The following VWA3B variants were observed in gnomAD, a reference collection of about 807,000 sequenced individuals.
VWA3B encodes von Willebrand factor A domain containing 3B, also known as von Willebrand factor A domain-containing protein 3B.
In VWA3B, 138 loss-of-function variants were observed where a neutral mutation model predicts 158.3. That is an observed-to-expected ratio of 0.87 (90% CI 0.76 to 1.00). The LOEUF is 1.00. Among genes scored for constraint, VWA3B ranks in the 50% least tolerant of loss-of-function variants. The pLI is 0.00. For missense variants in VWA3B, 1,555 were observed against 1,565.1 expected (o/e 0.99, Z 0.11); for synonymous variants, 596 against 587.3 (o/e 1.01, Z -0.21).
the VWA3B span, among the ~76,000 whole-genome samples, chr2:98,322,268 AGAAG>A: frequency 6.6e-6 from 1 of 152,240 alleles, no homozygotes; most frequent in East Asian, 1.9e-4. Context: ...CTGCAAATGG[AGAAG>A]GAAAGAATTG....
intron 7 of VWA3B, among the ~76,000 whole-genome samples, chr2:98,160,020 A>AAAAGATACAT (rs1196943823): frequency 6.6e-6 from 1 of 151,492 alleles, no homozygotes; most frequent in African/African-American, 2.4e-5. Flanking sequence ...AAAAAAAAAA[A>AAAAGATACAT]AAAGATACAT....
At chr2:98,194,574 TGA>T in intron 12 of VWA3B, 82 bp downstream of exon 12, 1 of 1,530,536 alleles carries the variant, frequency 6.5e-7, no homozygotes, top group Admixed American at 1.9e-5. Flanking sequence ...CAGACATTCC[TGA>T]GAGGTGTTTT....
chr2:98,281,489 G>A (rs151064552), intron 22 of VWA3B, among the ~76,000 whole-genome samples: 5 of 152,230 alleles, frequency 3.3e-5, no homozygotes, highest in Admixed American at 2.6e-4. Flanking sequence ...AATGATTTAG[G>A]GCAGGAAAAG....
At chr2:98,151,715 G>A (rs1573917489) in intron 7 of VWA3B, among the ~76,000 whole-genome samples, 1 of 152,354 alleles carries the variant, frequency 6.6e-6, no homozygotes, top group Non-Finnish European at 1.5e-5. Flanking sequence ...CCTTGGGCAA[G>A]TTACCTAATC....
chr2:98,307,294 G>A (rs62155313), intron 26 of VWA3B, among the ~76,000 whole-genome samples: 6,125 of 152,330 alleles, frequency 0.04, 170 homozygotes, highest in Middle Eastern at 0.075. Context: ...ATAACCTGAC[G>A]TGTCCACCCT....
At chr2:98,186,455 T>C (rs1238028416) in intron 9 of VWA3B, among the ~76,000 whole-genome samples, 1 of 152,118 alleles carries the variant, frequency 6.6e-6, no homozygotes. Flanking sequence ...GGATGTCTAA[T>C]AGGCACCTTG....
At chr2:98,105,664 G>A (rs1162842086) in intron 2 of VWA3B, among the ~76,000 whole-genome samples, 1 of 151,960 alleles carries the variant, frequency 6.6e-6, no homozygotes, top group Non-Finnish European at 1.5e-5. Flanking sequence ...GGGTATCAAG[G>A]TTGCAGTGAG....
chr2:98,119,807 T>C (rs368200944), intron 4 of VWA3B, 44 bp downstream of exon 4: 2 of 1,603,574 alleles, frequency 1.2e-6, no homozygotes, highest in African/African-American at 2.7e-5. Flanking sequence ...AAGTTCATAG[T>C]AATTTGTACA....
chr2:98,150,138 A>G (rs1677506764), intron 7 of VWA3B, among the ~76,000 whole-genome samples: 1 of 152,234 alleles, frequency 6.6e-6, no homozygotes, highest in Non-Finnish European at 1.5e-5. Flanking sequence ...GCTGAGAGCA[A>G]TTTTATCTCC....
At chr2:98,090,212 T>A (rs923822181) in intron 1 of VWA3B, among the ~76,000 whole-genome samples, 2 of 152,230 alleles carry the variant, frequency 1.3e-5, no homozygotes, top group African/African-American at 4.8e-5. Context: ...TCAGCTCCAG[T>A]CTTTGTGGAT....
At chr2:98,250,229 A>G (rs1686709095) in intron 19 of VWA3B, 89 bp from the exon 20 acceptor site, 1 of 876,824 alleles carries the variant, frequency 1.1e-6, no homozygotes, top group Non-Finnish European at 1.8e-6. Flanking sequence ...GTCAGAGAAA[A>G]CATGTTATAC....
intron 16 of VWA3B, among the ~76,000 whole-genome samples, chr2:98,230,960 C>T (rs571283276): frequency 3.9e-5 from 6 of 152,292 alleles, no homozygotes; most frequent in Non-Finnish European, 7.4e-5. Flanking sequence ...TCTCTGGCTA[C>T]GGGACGCACA....
At chr2:98,274,995 C>A (rs1688433694) in intron 22 of VWA3B, among the ~76,000 whole-genome samples, 1 of 152,180 alleles carries the variant, frequency 6.6e-6, no homozygotes, top group Non-Finnish European at 1.5e-5. Flanking sequence ...ACAGGTGCAC[C>A]CTGGCCAGCC....
chr2:98,166,701 T>A (rs917636255), intron 8 of VWA3B, among the ~76,000 whole-genome samples: 2 of 152,046 alleles, frequency 1.3e-5, no homozygotes, highest in Non-Finnish European at 2.9e-5. Flanking sequence ...TCTTAAGAGT[T>A]AACAGAAGGT....
intron 22 of VWA3B, among the ~76,000 whole-genome samples, chr2:98,275,682 T>C (rs1208041928): frequency 1.3e-5 from 2 of 152,224 alleles, no homozygotes; most frequent in Non-Finnish European, 2.9e-5. Context: ...ACACAACATA[T>C]CAGTGATGGC....
chr2:98,310,848 C>A (rs1690842407), intron 26 of VWA3B, among the ~76,000 whole-genome samples: 1 of 152,210 alleles, frequency 6.6e-6, no homozygotes, highest in Non-Finnish European at 1.5e-5. Context: ...TCTTGGGAAT[C>A]TCTCCTGAGT....
chr2:98,159,223 G>A (rs901320346), intron 7 of VWA3B, among the ~76,000 whole-genome samples: 3 of 152,060 alleles, frequency 2.0e-5, no homozygotes, highest in South Asian at 2.1e-4. Context: ...ATTTTAACAC[G>A]AGCCTGCAAA....
At chr2:98,135,460 C>T (rs557142695) in intron 7 of VWA3B, among the ~76,000 whole-genome samples, 241 of 146,598 alleles carry the variant, frequency 1.6e-3, no homozygotes, top group Non-Finnish European at 2.9e-3. Context: ...CTCAGCCTCC[C>T]GAGTAGCTGG....
At chr2:98,108,886 C>T (rs988469465) in intron 2 of VWA3B, among the ~76,000 whole-genome samples, 7 of 151,416 alleles carry the variant, frequency 4.6e-5, no homozygotes, top group African/African-American at 7.3e-5. Context: ...TTTTATTTTT[C>T]GTTTTCTTTT....
Sources: gnomAD v4.1 joint callset for allele counts (sites outside exome capture counted in the v4.1 genomes callset) on GRCh38, gnomAD v4.1.1 for gene constraint, MANE v1.5 for transcripts, NCBI Gene and HGNC (gene_info 2026-07-23, HGNC 2026-07-21) for gene names.